PPP2R3B: variants seen among roughly 807,000 people sequenced by gnomAD.
PPP2R3B encodes the protein serine/threonine-protein phosphatase 2A regulatory subunit B'' subunit beta.
Under a neutral mutation model 72.9 loss-of-function variants are expected in PPP2R3B, and 68 were observed. The ratio of observed to expected loss-of-function variants is 0.93; its 90% CI spans 0.77 to 1.14. PPP2R3B has a LOEUF of 1.14. Among genes scored for constraint, PPP2R3B ranks in the 50% most tolerant of loss-of-function variants. PPP2R3B has a pLI of 0.00. For synonymous variants in PPP2R3B, 466 were observed against 375.8 expected (o/e 1.24, Z -2.78); for missense variants, 1,018 against 842.0 (o/e 1.21, Z -2.59).
intron 12 of PPP2R3B, 26 bp downstream of exon 12, chrX:338,578 C>T (rs1161776976): frequency 1.7e-5 from 27 of 1,558,896 alleles, no homozygotes; most frequent in Non-Finnish European, 1.3e-5. Flanking sequence ...GACCCGTCCC[C>T]CCACTCACCC....
At chrX:348,138 G>C (rs1266489643) in intron 2 of PPP2R3B, among the ~76,000 whole-genome samples, 1 of 152,088 alleles carries the variant, frequency 6.6e-6, no homozygotes, top group Non-Finnish European at 1.5e-5. Context: ...AAATACACGC[G>C]TGAGGAAGGA....
chrX:338,511 TGC>T (rs2070951641), intron 12 of PPP2R3B, 91 bp downstream of exon 12: 1 of 1,227,268 alleles, frequency 8.1e-7, no homozygotes, highest in Non-Finnish European at 1.1e-6. Flanking sequence ...ATCCCCCGGC[TGC>T]ACACACACCC....
rs1470058773 is a variant in PPP2R3B at position 345,789 on chromosome X, G to A, written c.880-117C>T. 7.2e-6 allele frequency: 8 copies of A among 1,117,344 alleles called. No homozygotes were observed. The East Asian group carries it at 1.3e-4, about 18-fold the overall frequency. The allele number at this position is 1,117,344 out of a possible 1,614,324, so 69.2% of individuals were successfully genotyped here. A position where few individuals can be genotyped will look rare whatever the true frequency, so the allele number is the denominator to read the frequency against. On this transcript the variant is annotated intron_variant, in intron 6 of 12. Coordinates refer to ENST00000390665, the MANE Select transcript of PPP2R3B (RefSeq NM_013239.5). Reference sequence around the variant, plus strand: ...GGTCGGGGCCGCTCCGTGGGTGGGGGGGACTGGGCAGCTGGGGCCGGGGGG... The same window carrying A: ...GGTCGGGGCCGCTCCGTGGGTGGGGAGGACTGGGCAGCTGGGGCCGGGGGG...
chrX:378,392 A>G (rs2072044993), intron 1 of PPP2R3B, among the ~76,000 whole-genome samples: 1 of 152,232 alleles, frequency 6.6e-6, no homozygotes, highest in Admixed American at 6.5e-5. Context: ...TGTGTCTTCC[A>G]TGAGCAAACA....
intron 2 of PPP2R3B, among the ~76,000 whole-genome samples, chrX:349,533 G>A (rs1427044917): frequency 6.6e-6 from 1 of 152,190 alleles, no homozygotes; most frequent in East Asian, 1.9e-4. Flanking sequence ...AGCAGGCAAG[G>A]GAAAGACCGA....
chrX:349,393 GCT>G (rs2071283534), intron 2 of PPP2R3B, among the ~76,000 whole-genome samples: 1 of 152,106 alleles, frequency 6.6e-6, no homozygotes, highest in Non-Finnish European at 1.5e-5. Flanking sequence ...CAGCCTGAAT[GCT>G]CAGACAAAGG....
intron 2 of PPP2R3B, among the ~76,000 whole-genome samples, chrX:350,984 C>A (rs1209250998): frequency 6.6e-6 from 1 of 152,122 alleles, no homozygotes; most frequent in Non-Finnish European, 1.5e-5. Context: ...CAGAGTCGTC[C>A]TGACAGGTGC....
intron 9 of PPP2R3B, 23 bp downstream of exon 9, chrX:341,284 C>G: frequency 1.2e-6 from 2 of 1,608,358 alleles, no homozygotes; most frequent in South Asian, 2.2e-5. Context: ...CTGGGACAAA[C>G]GCATGCCGCA....
chrX:364,504 A>G (rs1481640797), intron 1 of PPP2R3B, among the ~76,000 whole-genome samples: 1 of 126,522 alleles, frequency 7.9e-6, no homozygotes, highest in Non-Finnish European at 1.7e-5. Context: ...CTTCATCTCT[A>G]CTAAAAAAAA....
Position 361,592 on chromosome X carries a change from T to C in PPP2R3B, c.325-2A>G. On this transcript the variant is annotated splice_acceptor_variant, in intron 1 of 12. Coordinates refer to ENST00000390665, the MANE Select transcript of PPP2R3B (RefSeq NM_013239.5). LOFTEE classifies it high-confidence loss of function. The stretch of plus-strand genomic sequence containing the variant: ...AGGCTCTTCTTTCCGTGTCTGAACC[T>C]GAAGAGTCGACAGACAGCGCTCAGT... The C allele has an allele frequency of 6.2e-7, 1 of 1,613,600 alleles. No individual in the cohort carries two copies. The highest frequency in any genetic ancestry group is 1.1e-5 in the South Asian group (1 of 91,076).
intron 1 of PPP2R3B, among the ~76,000 whole-genome samples, chrX:364,514 A>AC (rs1428803501): frequency 2.7e-5 from 3 of 109,470 alleles, no homozygotes; most frequent in East Asian, 2.4e-4. Flanking sequence ...ACTAAAAAAA[A>AC]AAAAAACAAA....
chrX:365,083 CAT>C (rs2071676769), intron 1 of PPP2R3B, among the ~76,000 whole-genome samples: 1 of 74,442 alleles, frequency 1.3e-5, no homozygotes, highest in African/African-American at 5.6e-5. Context: ...TGTGGTGGCG[CAT>C]GCCTGTAATC....
chrX:341,820 A>G, intron 8 of PPP2R3B, 63 bp downstream of exon 8: 1 of 1,565,084 alleles, frequency 6.4e-7, no homozygotes, highest in Non-Finnish European at 8.8e-7. Context: ...GGCAACGATG[A>G]GGAGAGGGAC....
chrX:374,424 T>A (rs2071945639), intron 1 of PPP2R3B, among the ~76,000 whole-genome samples: 1 of 152,204 alleles, frequency 6.6e-6, no homozygotes, highest in Admixed American at 6.5e-5. Context: ...AGAATACAGC[T>A]AAGCTGCAGT....
intron 2 of PPP2R3B, among the ~76,000 whole-genome samples, chrX:355,177 C>T (rs1164441455): frequency 2.0e-5 from 3 of 152,200 alleles, no homozygotes; most frequent in Non-Finnish European, 4.4e-5. Flanking sequence ...TCAGAAAATG[C>T]AAAGTCCACA....
At chrX:356,542 C>A (rs1436200020) in intron 2 of PPP2R3B, among the ~76,000 whole-genome samples, 4 of 152,152 alleles carry the variant, frequency 2.6e-5, no homozygotes, top group Admixed American at 6.6e-5. Context: ...TAGCTTCTTA[C>A]AAAACTAAAC....
intron 10 of PPP2R3B, among the ~76,000 whole-genome samples, 195 bp from the exon 11 acceptor site, chrX:339,091 G>A (rs1235020734): frequency 6.6e-6 from 1 of 151,994 alleles, no homozygotes; most frequent in African/African-American, 2.4e-5. Flanking sequence ...GTGGGAGGCC[G>A]TGATGCGGAG....
At position 338,613 on chromosome X, in the gene PPP2R3B, C is replaced by A; in HGVS notation, c.1568G>T (p.Trp523Leu). 6.2e-7 allele frequency: 1 copy of A among 1,609,642 alleles called. No individual in the cohort carries two copies. Among genetic ancestry groups the A allele is most frequent in the African/African-American group, 1.3e-5 (1 of 74,950 alleles). ...LVAEETAGEP[W>L]EDGFEAELSP... ...CGTCCTCCCCACTCACCCGTCCTCC[C>A]AGGGCTCTCCCGCAGTCTCCTCGGC... is the stretch of plus-strand genomic sequence containing the variant. The change falls in exon 12 of 13, where the codon TGG becomes TTG. Residue 523 changes from tryptophan (W) to leucine (L), a missense_variant. Transcript: ENST00000390665.
chrX:341,072 C>T (rs1358590227), intron 9 of PPP2R3B, 132 bp from the exon 10 acceptor site: 1 of 1,325,196 alleles, frequency 7.5e-7, no homozygotes. Context: ...GGCGTGCAGG[C>T]ATCCCCTGCC....
Sources: gnomAD v4.1 joint callset for allele counts (sites outside exome capture counted in the v4.1 genomes callset) on GRCh38, gnomAD v4.1.1 for gene constraint, MANE v1.5 for transcripts, NCBI Gene and HGNC (gene_info 2026-07-23, HGNC 2026-07-21) for gene names.